The following GNG7 variants were observed in gnomAD, a reference collection of about 807,000 sequenced individuals.
GNG7 encodes G protein subunit gamma 7, also known as guanine nucleotide-binding protein G(I)/G(S)/G(O) subunit gamma-7.
A neutral mutation model predicts 4.0 loss-of-function variants in GNG7; 1 was observed. That is an observed-to-expected ratio of 0.25 (90% CI 0.09 to 1.18). The LOEUF (loss-of-function observed/expected upper bound fraction) is 1.18, where lower values mean the gene tolerates loss of function less well. GNG7 is among the 50% of genes most tolerant of loss of function. GNG7 has a pLI of 0.50. For missense variants in GNG7, 86 were observed against 91.9 expected (o/e 0.94, Z 0.26); for synonymous variants, 34 against 36.9 (o/e 0.92, Z 0.29).
At position 2,653,352 on chromosome 19, in the gene GNG7, G is replaced by C. The variant is rs1219680927; in HGVS notation, c.-134-7072C>G. Among the ~76,000 whole-genome samples the C allele has an allele frequency of 2.6e-5, 4 of 152,176 alleles. No homozygotes were observed. The highest frequency in any genetic ancestry group is 5.9e-5 in the Non-Finnish European group (4 of 68,038). On this transcript the variant is annotated intron_variant, in intron 1 of 4. Transcript: ENST00000382159. The surrounding 1 kb of genome is among the most constrained non-coding windows in gnomAD (Gnocchi z 4.8). ...CACAGAGCTGGGAAATTCCGCAGCA[G>C]GGCAGATGAGGGATCGATCTGAGTC...
chr19:2,600,809 AC>A lies in GNG7; in HGVS notation c.-78+45414del, dbSNP rs773062305. On this transcript the variant is annotated intron_variant, in intron 2 of 4. Coordinates refer to ENST00000382159, the MANE Select transcript of GNG7 (RefSeq NM_052847.3). Reference sequence around the variant, plus strand: ...AGCAGTTTTGACCTAGTGGTCCCCCACCAAAAGGGTCTCAGAGACCAACCCC... The same window carrying A: ...AGCAGTTTTGACCTAGTGGTCCCCCACAAAAGGGTCTCAGAGACCAACCCC... 6.3e-4 allele frequency among the ~76,000 whole-genome samples: 96 copies of A among 151,940 alleles called. 2 individuals are homozygous for A. Among genetic ancestry groups the A allele is most frequent in the Admixed American group, 2.6e-4 (4 of 15,246 alleles).
Position 2,630,317 on chromosome 19 carries a change from G to A in GNG7, c.-78+15907C>T, listed in dbSNP as rs74736432. ...CTCCCCTTGAGTGTGGGCAGGGCCC[G>A]TGGACATGATGAGATATCACTCCCC... On this transcript the variant is annotated intron_variant, in intron 2 of 4. Coordinates refer to ENST00000382159, the MANE Select transcript of GNG7 (RefSeq NM_052847.3). 9.0e-3 allele frequency among the ~76,000 whole-genome samples: 1,376 copies of A among 152,200 alleles called. 17 individuals carry two copies. The highest frequency in any genetic ancestry group is 0.014 in the Non-Finnish European group (920 of 67,992).
intron 2 of GNG7, among the ~76,000 whole-genome samples, chr19:2,603,995 C>G (rs952843728): frequency 1.3e-5 from 2 of 151,920 alleles, no homozygotes; most frequent in African/African-American, 4.8e-5. Context: ...GGACTACAGG[C>G]GCCCGCCACC....
chr19:2,590,839 A>T (rs565685193), intron 2 of GNG7, among the ~76,000 whole-genome samples: 25 of 150,704 alleles, frequency 1.7e-4, no homozygotes, highest in African/African-American at 5.1e-4. Flanking sequence ...CCATCCATCC[A>T]CTCATCCATC....
chr19:2,655,323 C>T (rs1349860970), intron 1 of GNG7, among the ~76,000 whole-genome samples: 5 of 151,816 alleles, frequency 3.3e-5, no homozygotes, highest in African/African-American at 7.3e-5. Context: ...TATGAAAAAA[C>T]GCTGAAGATC....
At chr19:2,632,458 C>G (rs1568268349) in intron 2 of GNG7, 1 of 148,130 alleles carries the variant, frequency 6.8e-6, no homozygotes, top group Non-Finnish European at 1.5e-5. Flanking sequence ...AAAACCCAAC[C>G]TGCTATAAAC....
intron 2 of GNG7, among the ~76,000 whole-genome samples, chr19:2,598,454 G>T (rs1194467123): frequency 6.6e-6 from 1 of 151,018 alleles, no homozygotes. Context: ...TCAGGAGATC[G>T]AGACCATCCT....
At chr19:2,657,361 A>AAAATATAT (rs1555701153) in intron 1 of GNG7, among the ~76,000 whole-genome samples, 3 of 16,334 alleles carry the variant, frequency 1.8e-4, no homozygotes, top group Admixed American at 1.0e-3. Context: ...AAAAAAAAAA[A>AAAATATAT]ATATATATAT....
intron 2 of GNG7, among the ~76,000 whole-genome samples, chr19:2,575,793 GCACACACAGACATGCAGA>G (rs1980308613): frequency 1.0e-5 from 1 of 99,196 alleles, no homozygotes; most frequent in Admixed American, 1.2e-4. Context: ...AGACACGCAG[GCACACACAGACATGCAGA>G]CACACGCAGG....
At position 2,618,915 on chromosome 19, in the gene GNG7, C is replaced by T. The variant is rs1270927663; in HGVS notation, c.-78+27309G>A. Among the ~76,000 whole-genome samples, 4 of 152,230 alleles carry T rather than the reference C, an allele frequency of 2.6e-5. No individual in the cohort carries two copies. The highest frequency in any genetic ancestry group is 2.1e-4 in the South Asian group (1 of 4,822). On this transcript the variant is annotated intron_variant, in intron 2 of 4. Coordinates refer to ENST00000382159, the MANE Select transcript of GNG7 (RefSeq NM_052847.3). This position sits in a 1 kb window ranked among gnomAD's most constrained non-coding sequence, Gnocchi z 5.1. ...TCCAGGAGCCCATGTGGCATCTGAC[C>T]GTCCCATCTCCGTGGGTTCCTCTGG...
intron 1 of GNG7, among the ~76,000 whole-genome samples, chr19:2,662,413 T>C (rs1983205362): frequency 6.6e-6 from 1 of 152,100 alleles, no homozygotes; most frequent in South Asian, 2.1e-4. Flanking sequence ...CCCCACAGGT[T>C]GAGGGCTAAA....
intron 2 of GNG7, among the ~76,000 whole-genome samples, chr19:2,589,799 T>C (rs900357219): frequency 6.6e-6 from 1 of 152,062 alleles, no homozygotes; most frequent in East Asian, 1.9e-4. Flanking sequence ...GGCCACACAG[T>C]GTGTGATCCC....
intron 1 of GNG7, among the ~76,000 whole-genome samples, chr19:2,650,155 C>T (rs1025854246): frequency 4.7e-5 from 7 of 149,952 alleles, no homozygotes; most frequent in Admixed American, 3.3e-4. Context: ...TGTGAATCTG[C>T]TGCTGTGAAT....
intron 2 of GNG7, among the ~76,000 whole-genome samples, chr19:2,599,748 G>C (rs981021490): frequency 1.3e-5 from 2 of 152,114 alleles, no homozygotes; most frequent in African/African-American, 4.8e-5. Context: ...ACCAGCCTGG[G>C]CAATACGGCG....
At chr19:2,672,349 T>C (rs1354873695) in intron 1 of GNG7, among the ~76,000 whole-genome samples, 1 of 151,806 alleles carries the variant, frequency 6.6e-6, no homozygotes, top group African/African-American at 2.4e-5. Context: ...AGAGATGGGG[T>C]CTCACTGTGT....
intron 3 of GNG7, among the ~76,000 whole-genome samples, chr19:2,552,528 G>A (rs746680460): frequency 6.6e-6 from 1 of 151,912 alleles, no homozygotes; most frequent in Non-Finnish European, 1.5e-5. Context: ...GGGACTACAG[G>A]TGCCCACCAC....
rs543081573 is a variant in GNG7, at chr19:2,614,782, A to G, written c.-78+31442T>C. Among the ~76,000 whole-genome samples the G allele has an allele frequency of 2.6e-5, 4 of 152,264 alleles. No homozygotes were observed. The highest frequency in any genetic ancestry group is 2.6e-4 in the Admixed American group (4 of 15,282). ...GGTTCTATTTGAACACCTGCTTCCA[A>G]TTCCTCTGGGCAGATAACTAGGAGC... On this transcript the variant is annotated intron_variant, in intron 2 of 4. Transcript: ENST00000382159. The surrounding 1 kb of genome is among the most constrained non-coding windows in gnomAD (Gnocchi z 6.0).
intron 1 of GNG7, among the ~76,000 whole-genome samples, chr19:2,671,443 T>A (rs1030479126): frequency 6.6e-6 from 1 of 152,048 alleles, no homozygotes; most frequent in Non-Finnish European, 1.5e-5. Flanking sequence ...CAAGGTGACG[T>A]TGTCCGGCCT....
chr19:2,695,290 C>G (rs2317322), intron 1 of GNG7, among the ~76,000 whole-genome samples: 4,992 of 152,118 alleles, frequency 0.033, 307 homozygotes, highest in African/African-American at 0.11. Flanking sequence ...TCTCTACCCC[C>G]CTGGACGACT....
Sources: gnomAD v4.1 joint callset for allele counts (sites outside exome capture counted in the v4.1 genomes callset) on GRCh38, gnomAD v4.1.1 for gene constraint, Gnocchi (gnomAD v3.1) non-coding constraint, MANE v1.5 for transcripts, NCBI Gene and HGNC (gene_info 2026-07-23, HGNC 2026-07-21) for gene names.